The following PRKN variants were observed in gnomAD, a reference collection of about 807,000 sequenced individuals.
PRKN encodes the protein parkin RBR E3 ubiquitin protein ligase.
Under a neutral mutation model 59.5 loss-of-function variants are expected in PRKN, and 56 were observed. The ratio of observed to expected loss-of-function variants is 0.94; its 90% CI spans 0.76 to 1.18. The LOEUF is 1.18. Among genes scored for constraint, PRKN ranks in the 50% most tolerant of loss-of-function variants. The pLI is 0.00. For missense variants in PRKN, 657 were observed against 596.4 expected (o/e 1.10, Z -1.06); for synonymous variants, 250 against 222.1 (o/e 1.13, Z -1.12).
chr6:162,700,087 T>C (rs1778100391), intron 1 of PRKN, among the ~76,000 whole-genome samples: 1 of 152,140 alleles, frequency 6.6e-6, no homozygotes, highest in African/African-American at 2.4e-5. Context: ...CCCCACAAAA[T>C]TGCCTCATTT....
chr6:161,801,348 T>G (rs1490688586), intron 6 of PRKN, among the ~76,000 whole-genome samples: 1 of 152,200 alleles, frequency 6.6e-6, no homozygotes, highest in Non-Finnish European at 1.5e-5. Flanking sequence ...AGCGAAGATG[T>G]GCAGAAGTCA....
chr6:161,932,121 A>T (rs1031851537), intron 6 of PRKN, among the ~76,000 whole-genome samples: 3 of 151,998 alleles, frequency 2.0e-5, no homozygotes, highest in Non-Finnish European at 4.4e-5. Flanking sequence ...TTTTTATTAT[A>T]AAAAATTCAG....
At chr6:161,712,696 C>T (rs1786799332) in intron 7 of PRKN, among the ~76,000 whole-genome samples, 1 of 152,022 alleles carries the variant, frequency 6.6e-6, no homozygotes, top group Admixed American at 6.6e-5. Context: ...CTTGATAGGA[C>T]TCAAATATCT....
intron 2 of PRKN, among the ~76,000 whole-genome samples, chr6:162,338,837 AG>A (rs778430585): frequency 2.2e-3 from 321 of 145,680 alleles, no homozygotes; most frequent in Non-Finnish European, 3.9e-3. Flanking sequence ...CATCACATCT[AG>A]GAAGTGAGGA....
At chr6:162,339,306 C>T (rs531601874) in intron 2 of PRKN, among the ~76,000 whole-genome samples, 1 of 141,150 alleles carries the variant, frequency 7.1e-6, no homozygotes, top group Non-Finnish European at 1.6e-5. Context: ...GGTCAGCCCC[C>T]CGCCCGGCCA....
At chr6:162,481,966 A>C (rs1005879784) in intron 1 of PRKN, among the ~76,000 whole-genome samples, 5 of 152,160 alleles carry the variant, frequency 3.3e-5, no homozygotes, top group Admixed American at 3.3e-4. Flanking sequence ...CCAAAGGAGT[A>C]ATCTGGGGGG....
rs752910255 is a variant in PRKN, at chr6:161,350,226, AAAC to A, written c.1286-18_1286-16del. ...CATGCAGCCTCCTGTTGGGGGCAGA[AAAC>A]AAAGGTGTGGTGGGTTCGCAGCAAG... On this transcript the variant is annotated splice_polypyrimidine_tract_variant and intron_variant, in intron 11 of 11. Transcript: ENST00000366898. 6.3e-7 allele frequency: 1 copy of A among 1,596,252 alleles called. No individual in the cohort carries two copies. The highest frequency in any genetic ancestry group is 8.6e-7 in the Non-Finnish European group (1 of 1,165,486).
intron 7 of PRKN, among the ~76,000 whole-genome samples, chr6:161,777,779 GTATATGTATATATGA>G (rs1247921721): frequency 5.8e-5 from 8 of 138,162 alleles, no homozygotes; most frequent in South Asian, 2.2e-4. Flanking sequence ...ATGTATATAT[GTATATGTATATATGA>G]TATATGTATA....
intron 1 of PRKN, among the ~76,000 whole-genome samples, chr6:162,482,839 C>T (rs1293027688): frequency 1.3e-5 from 2 of 152,100 alleles, no homozygotes; most frequent in African/African-American, 4.8e-5. Flanking sequence ...TCCAATCTAC[C>T]TTCCAACGTG....
At chr6:161,616,646 G>A (rs1782707980) in intron 7 of PRKN, among the ~76,000 whole-genome samples, 1 of 152,000 alleles carries the variant, frequency 6.6e-6, no homozygotes, top group Non-Finnish European at 1.5e-5. Context: ...CCACTTACGA[G>A]TGAGAACATG....
chr6:161,734,168 G>A (rs1787870559), intron 7 of PRKN, among the ~76,000 whole-genome samples: 1 of 152,080 alleles, frequency 6.6e-6, no homozygotes, highest in African/African-American at 2.4e-5. Flanking sequence ...ATAAAGTACT[G>A]TACCTCGGTT....
At chr6:162,492,173 C>T (rs1397283633) in intron 1 of PRKN, among the ~76,000 whole-genome samples, 1 of 152,222 alleles carries the variant, frequency 6.6e-6, no homozygotes, top group East Asian at 1.9e-4. Flanking sequence ...AACTAAAAGC[C>T]AGATGCCTAA....
rs150099142 is a variant in PRKN, at chr6:161,418,125, G to C, written c.1084-31248C>G. Among the ~76,000 whole-genome samples the C allele has an allele frequency of 6.8e-4, 103 of 152,334 alleles. 2 individuals are homozygous for C. The East Asian group carries it at 0.019, about 28-fold the overall frequency. ...TAAGGCCATCTGGAAAAGTATTACT[G>C]TATATTAATAAAAATATTTAAATAA... On this transcript the variant is annotated intron_variant, in intron 9 of 11. Coordinates refer to ENST00000366898, the MANE Select transcript of PRKN (RefSeq NM_004562.3).
At chr6:162,262,310 A>G (rs1018929547) in intron 3 of PRKN, 20 of 646,890 alleles carry the variant, frequency 3.1e-5, no homozygotes, top group African/African-American at 3.1e-4. Flanking sequence ...TTTAATCTCA[A>G]TATGAAAACC....
intron 7 of PRKN, among the ~76,000 whole-genome samples, chr6:161,580,147 T>G (rs1204784058): frequency 6.6e-6 from 1 of 152,228 alleles, no homozygotes; most frequent in African/African-American, 2.4e-5. Context: ...GAGTATATTG[T>G]TAATTACACT....
At chr6:162,669,433 T>C (rs1027061081) in intron 1 of PRKN, among the ~76,000 whole-genome samples, 2 of 152,188 alleles carry the variant, frequency 1.3e-5, no homozygotes, top group African/African-American at 4.8e-5. Flanking sequence ...AGCTAAACTT[T>C]AGAATTAAGG....
At chr6:161,859,628 A>G (rs1042915429) in intron 6 of PRKN, among the ~76,000 whole-genome samples, 1 of 151,226 alleles carries the variant, frequency 6.6e-6, no homozygotes, top group Non-Finnish European at 1.5e-5. Context: ...AAAAAAAAAA[A>G]AGAGAAAGAG....
chr6:161,986,382 C>T (rs1781436409), intron 5 of PRKN, among the ~76,000 whole-genome samples: 1 of 152,116 alleles, frequency 6.6e-6, no homozygotes, highest in Non-Finnish European at 1.5e-5. Context: ...AGCTAAAAAC[C>T]CTCTTGAGCT....
At chr6:161,408,302 A>G (rs1787369393) in intron 9 of PRKN, among the ~76,000 whole-genome samples, 1 of 145,308 alleles carries the variant, frequency 6.9e-6, no homozygotes, top group Non-Finnish European at 1.5e-5. Flanking sequence ...CACACAATTA[A>G]GGGTGAAAAA....
Sources: gnomAD v4.1 joint callset for allele counts (sites outside exome capture counted in the v4.1 genomes callset) on GRCh38, gnomAD v4.1.1 for gene constraint, MANE v1.5 for transcripts, NCBI Gene and HGNC (gene_info 2026-07-23, HGNC 2026-07-21) for gene names.